The following HTR2A variants were observed in gnomAD, a reference collection of about 807,000 sequenced individuals.
HTR2A encodes 5-hydroxytryptamine receptor 2A.
HTR2A carries 14 observed loss-of-function variants against 31.0 expected under a neutral mutation model. The observed-to-expected ratio is 0.45, with a 90% CI of 0.30 to 0.71. HTR2A has a LOEUF of 0.71. Among genes scored for constraint, HTR2A ranks in the 30% least tolerant of loss-of-function variants. HTR2A has a pLI of 0.09. For missense variants in HTR2A, 442 were observed against 573.3 expected, an observed-to-expected ratio of 0.77 and a Z score of 2.34; for synonymous variants, 209 against 225.2, an observed-to-expected ratio of 0.93 and a Z score of 0.64.
intron 3 of HTR2A, among the ~76,000 whole-genome samples, chr13:46,863,597 A>C (rs1317722095): frequency 7.3e-6 from 1 of 137,438 alleles, no homozygotes; most frequent in African/African-American, 2.7e-5. Context: ...ACTGCACTCC[A>C]GCCTGGGCAC....
chr13:46,896,622 A>C (rs1418204296), intron 1 of HTR2A, 52 bp downstream of exon 1: 1 of 1,369,512 alleles, frequency 7.3e-7, no homozygotes, highest in East Asian at 2.6e-5. Context: ...GCATGATTTC[A>C]AACCGGAAAG....
intron 3 of HTR2A, chr13:46,856,311 T>C (rs1277723544): frequency 6.6e-6 from 1 of 152,258 alleles, no homozygotes; most frequent in African/African-American, 2.4e-5. Flanking sequence ...GTTTTATCTT[T>C]TTAATGACAC....
chr13:46,844,686 G>A (rs915059891), intron 3 of HTR2A, among the ~76,000 whole-genome samples: 2 of 152,140 alleles, frequency 1.3e-5, no homozygotes, highest in Non-Finnish European at 2.9e-5. Context: ...GTATGTATCA[G>A]CAAACTGGAG....
At position 46,890,079 on chromosome 13, in the gene HTR2A, C is replaced by T. The variant is rs55947749; in HGVS notation, c.613+2311G>A. ...CTGGTCAAATGTGGGGGCAGTGGCTCATGACTGTAATCCCAGCACTTTGGG... is the reference window on the plus strand; with the variant it reads ...CTGGTCAAATGTGGGGGCAGTGGCTTATGACTGTAATCCCAGCACTTTGGG... On this transcript the variant is annotated intron_variant, in intron 3 of 3. Transcript: ENST00000542664. Among the ~76,000 whole-genome samples the T allele has an allele frequency of 3.5e-3, 531 of 152,370 alleles. 3 individuals carry two copies. Among genetic ancestry groups the T allele is most frequent in the Non-Finnish European group, 6.6e-3 (448 of 68,040 alleles).
At chr13:46,863,803 T>C (rs1244762893) in intron 3 of HTR2A, among the ~76,000 whole-genome samples, 1 of 151,838 alleles carries the variant, frequency 6.6e-6, no homozygotes, top group Non-Finnish European at 1.5e-5. Flanking sequence ...AAAGGAACAC[T>C]TATATACTGT....
Position 46,860,095 on chromosome 13 carries a change from G to T in HTR2A, c.614-24456C>A, listed in dbSNP as rs546613124. On this transcript the variant is annotated intron_variant, in intron 3 of 3. Coordinates refer to ENST00000542664, the MANE Select transcript of HTR2A (RefSeq NM_000621.5). The stretch of plus-strand genomic sequence containing the variant: ...TCATTCTTCTATTTGCCCTTTTCGA[G>T]GAATTCTCAGAATTCTCCTCAACCC... Among the ~76,000 whole-genome samples the T allele has an allele frequency of 7.2e-5, 11 of 152,110 alleles. No homozygotes were observed. In the South Asian group the frequency reaches 2.3e-3, roughly 32 times the overall value.
chr13:46,893,645 G>C (rs1951073184), intron 2 of HTR2A, among the ~76,000 whole-genome samples: 1 of 152,188 alleles, frequency 6.6e-6, no homozygotes. Context: ...AGATACTGCA[G>C]GTCACCTGCT....
At chr13:46,867,980 G>A (rs190340709) in intron 3 of HTR2A, among the ~76,000 whole-genome samples, 10 of 152,212 alleles carry the variant, frequency 6.6e-5, no homozygotes, top group Non-Finnish European at 1.2e-4. Context: ...ATTGTAAAGT[G>A]GAAAATAGAA....
rs1374006392 is a variant in HTR2A at position 46,834,978 on chromosome 13, T to G, written c.1275A>C (p.Gln425His). ...PALAYKSSQL[Q>H]MGQKKNSKQD... ...GCTTTGAATTCTTTTTTTGTCCCAT[T>G]TGAAGTTGGCTAGACTTGTAGGCCA... is the stretch of plus-strand genomic sequence containing the variant. The change falls in exon 4 of 4, where the codon CAA (glutamine) becomes CAC (histidine). Residue 425 changes from glutamine (Q) to histidine (H), a missense_variant. Physicochemically the swap from Gln to His is conservative, Grantham distance 24. This residue lies in a region of HTR2A where 88 missense variants were observed against 83.1 expected (regional missense o/e 1.06). Coordinates refer to ENST00000542664, the MANE Select transcript of HTR2A (RefSeq NM_000621.5). 6.2e-7 allele frequency: 1 copy of G among 1,614,048 alleles called. No homozygotes were observed. Among genetic ancestry groups the G allele is most frequent in the East Asian group, 2.2e-5 (1 of 44,904 alleles).
chr13:46,892,351 G>T, intron 3 of HTR2A, 39 bp downstream of exon 3: 6 of 1,571,734 alleles, frequency 3.8e-6, no homozygotes, highest in Non-Finnish European at 5.3e-6. Context: ...AGCACGAACT[G>T]TCATTTCAAA....
intron 3 of HTR2A, among the ~76,000 whole-genome samples, chr13:46,868,844 C>T (rs1950840935): frequency 6.6e-6 from 1 of 152,022 alleles, no homozygotes; most frequent in South Asian, 2.1e-4. Context: ...CACACAAATT[C>T]AATATGTATT....
At chr13:46,857,839 C>T (rs1159638419) in intron 3 of HTR2A, among the ~76,000 whole-genome samples, 3 of 152,098 alleles carry the variant, frequency 2.0e-5, no homozygotes, top group Admixed American at 2.0e-4. Flanking sequence ...TCTCGAAGGG[C>T]CTTGCAAGCC....
In HTR2A at chr13:46,834,684, C is replaced by T. The variant is rs931160436; in HGVS notation, c.*153G>A. On this transcript the variant is annotated 3_prime_UTR_variant, in exon 4 of 4. Coordinates refer to ENST00000542664, the MANE Select transcript of HTR2A (RefSeq NM_000621.5). ...GCACACATTTTGTAGCATTGAACCC[C>T]GCTTTTCATTGACAGAATAAAATGA... 39 of 603,168 alleles carry T rather than the reference C, an allele frequency of 6.5e-5. No homozygotes were observed. The highest frequency in any genetic ancestry group is 5.2e-4 in the African/African-American group (28 of 54,110). The allele number at this position is 603,168 out of a possible 1,614,324, so 37.4% of individuals were successfully genotyped here.
intron 3 of HTR2A, among the ~76,000 whole-genome samples, chr13:46,873,451 ATTATTATTATTATACTT>A (rs1950880911): frequency 6.7e-6 from 1 of 148,206 alleles, no homozygotes; most frequent in Non-Finnish European, 1.5e-5. Context: ...TATTATTATT[ATTATTATTATTATACTT>A]TAAGTTTTAG....
intron 3 of HTR2A, among the ~76,000 whole-genome samples, chr13:46,873,427 TTTA>T (rs56356002): frequency 0.2 from 28,714 of 144,544 alleles, 3,132 homozygotes; most frequent in African/African-American, 0.28. Context: ...TAATATAAAA[TTTA>T]TTATTATTAT....
intron 3 of HTR2A, among the ~76,000 whole-genome samples, chr13:46,873,792 C>T (rs914080205): frequency 6.6e-5 from 10 of 152,188 alleles, no homozygotes; most frequent in Admixed American, 1.3e-4. Context: ...TGTTCAGAAA[C>T]ATTTCACTTT....
chr13:46,837,090 C>T (rs1352003897), intron 3 of HTR2A, among the ~76,000 whole-genome samples: 1 of 152,130 alleles, frequency 6.6e-6, no homozygotes, highest in Non-Finnish European at 1.5e-5. Context: ...AAGGCTCCCT[C>T]AGGTACAGGG....
At chr13:46,871,880 A>G (rs1475303122) in intron 3 of HTR2A, among the ~76,000 whole-genome samples, 1 of 152,262 alleles carries the variant, frequency 6.6e-6, no homozygotes, top group African/African-American at 2.4e-5. Flanking sequence ...ATAGAGCTGG[A>G]AAGAATTATC....
At chr13:46,890,606 A>G (rs1234788039) in intron 3 of HTR2A, among the ~76,000 whole-genome samples, 1 of 152,196 alleles carries the variant, frequency 6.6e-6, no homozygotes, top group Non-Finnish European at 1.5e-5. Flanking sequence ...CTCAGTGCTC[A>G]GAAACTGTTA....
Sources: allele counts gnomAD v4.1 joint callset (sites outside exome capture counted in the v4.1 genomes callset), GRCh38; gene constraint gnomAD v4.1.1; regional missense constraint gnomAD v4.1.1; transcripts MANE v1.5; gene names NCBI Gene and HGNC (gene_info 2026-07-23, HGNC 2026-07-21).